EPHB1: variants seen among roughly 807,000 people sequenced by gnomAD.
EPHB1 encodes the protein ephrin type-B receptor 1.
Under a neutral mutation model 94.4 loss-of-function variants are expected in EPHB1, and 30 were observed. That is an observed-to-expected ratio of 0.32 (90% CI 0.24 to 0.43). EPHB1 has a LOEUF of 0.43. EPHB1 is among the 20% of genes least tolerant of loss of function. EPHB1 has a pLI of 1.00. For synonymous variants in EPHB1, 522 were observed against 489.1 expected (o/e 1.07, Z -0.89); for missense variants, 1,055 against 1,308.3 (o/e 0.81, Z 2.99).
chr3:134,945,060 T>A (rs2039190839), intron 2 of EPHB1, among the ~76,000 whole-genome samples: 2 of 152,250 alleles, frequency 1.3e-5, no homozygotes, highest in South Asian at 4.1e-4. Flanking sequence ...ATGTCTTTTT[T>A]AGTGAACAGT....
intron 3 of EPHB1, among the ~76,000 whole-genome samples, chr3:135,004,102 GT>G (rs1307806035): frequency 6.6e-6 from 1 of 151,988 alleles, no homozygotes; most frequent in Non-Finnish European, 1.5e-5. Context: ...GGTACTGGTT[GT>G]TCCTTTCCAT....
At chr3:134,801,604 CAG>C (rs2035936629) in intron 1 of EPHB1, among the ~76,000 whole-genome samples, 3 of 152,330 alleles carry the variant, frequency 2.0e-5, no homozygotes, top group African/African-American at 7.2e-5. Context: ...GGTGGAGAAA[CAG>C]AGCATTCGAT....
intron 12 of EPHB1, among the ~76,000 whole-genome samples, chr3:135,219,664 G>C (rs965244857): frequency 6.6e-6 from 1 of 152,176 alleles, no homozygotes; most frequent in Non-Finnish European, 1.5e-5. Context: ...CACTGAGTTG[G>C]CAATGTAATT....
intron 1 of EPHB1, among the ~76,000 whole-genome samples, chr3:134,807,901 G>A (rs902396701): frequency 6.6e-6 from 1 of 152,158 alleles, no homozygotes; most frequent in African/African-American, 2.4e-5. Context: ...AAATGCAGCT[G>A]CTGCCCAGAT....
At chr3:135,129,086 A>G (rs1940318618) in intron 4 of EPHB1, among the ~76,000 whole-genome samples, 1 of 152,002 alleles carries the variant, frequency 6.6e-6, no homozygotes, top group South Asian at 2.1e-4. Context: ...GCCCCTGTTC[A>G]TGCGCCACAG....
chr3:135,219,047 G>C (rs557723625), intron 12 of EPHB1, among the ~76,000 whole-genome samples: 2 of 152,046 alleles, frequency 1.3e-5, no homozygotes, highest in Non-Finnish European at 2.9e-5. Context: ...AAGCACAGGT[G>C]GGGGAAGAGT....
At chr3:135,233,840 G>C (rs1258668117) in intron 12 of EPHB1, among the ~76,000 whole-genome samples, 2 of 152,196 alleles carry the variant, frequency 1.3e-5, no homozygotes, top group Non-Finnish European at 2.9e-5. Context: ...CAAGGCTTGG[G>C]ACTTGCACCC....
At position 134,882,761 on chromosome 3, in the gene EPHB1, C is replaced by CTTTCTTTTTT. The variant is rs59448814; in HGVS notation, c.59-43055_59-43054insTTTCTTTTTT. On this transcript the variant is annotated intron_variant, in intron 1 of 15. Coordinates refer to ENST00000398015, the MANE Select transcript of EPHB1 (RefSeq NM_004441.5). ...TTCCTTCTTTCTTCCTTTCTTCCTT[C>CTTTCTTTTTT]CTTCCTTTCTTTCTTTCTTTCTTTC... Among the ~76,000 whole-genome samples, 7 of 31,292 alleles carry CTTTCTTTTTT rather than the reference C, an allele frequency of 2.2e-4. No individual in the cohort carries two copies. The East Asian group carries it at 6.4e-3, about 29-fold the overall frequency. 20.5% of individuals were successfully genotyped at this position (31,292 alleles called of 152,430 possible). A position where few individuals can be genotyped will look rare whatever the true frequency, so the allele number is the denominator to read the frequency against.
chr3:135,146,194 G>A (rs1482186820), intron 5 of EPHB1, among the ~76,000 whole-genome samples: 1 of 152,168 alleles, frequency 6.6e-6, no homozygotes, highest in Non-Finnish European at 1.5e-5. Context: ...GCAGTGTGAG[G>A]CTCCCCCTGT....
Position 135,127,898 on chromosome 3 carries a change from G to A in EPHB1, c.962-4816G>A, listed in dbSNP as rs903723944. Reference sequence around the variant, plus strand: ...TCTCAGGCACATCCTGGAGGACATCGGAGACCCATCTTCAAAACTCATGAC... The same window carrying A: ...TCTCAGGCACATCCTGGAGGACATCAGAGACCCATCTTCAAAACTCATGAC... On this transcript the variant is annotated intron_variant, in intron 4 of 15. Coordinates refer to ENST00000398015, the MANE Select transcript of EPHB1 (RefSeq NM_004441.5). Among the ~76,000 whole-genome samples, 10 of 152,064 alleles carry A rather than the reference G, an allele frequency of 6.6e-5. No individual in the cohort carries two copies. In the South Asian group the frequency reaches 1.0e-3, roughly 16 times the overall value.
At chr3:135,235,844 T>C (rs969493948) in intron 12 of EPHB1, among the ~76,000 whole-genome samples, 8 of 152,134 alleles carry the variant, frequency 5.3e-5, no homozygotes, top group African/African-American at 1.9e-4. Flanking sequence ...GTATGAACTG[T>C]GGCCGAGGTC....
chr3:134,814,056 G>A (rs1039901290), intron 1 of EPHB1, among the ~76,000 whole-genome samples: 2 of 152,162 alleles, frequency 1.3e-5, no homozygotes, highest in African/African-American at 2.4e-5. Flanking sequence ...AGTAAATGAT[G>A]GATGGATGGA....
intron 1 of EPHB1, among the ~76,000 whole-genome samples, chr3:134,825,419 T>A (rs994827937): frequency 2.6e-5 from 4 of 152,230 alleles, no homozygotes; most frequent in Admixed American, 6.5e-5. Flanking sequence ...GCAATTGAGA[T>A]TGAATGAGTG....
chr3:135,100,200 C>A (rs1172719901), intron 3 of EPHB1, among the ~76,000 whole-genome samples: 1 of 152,054 alleles, frequency 6.6e-6, no homozygotes, highest in Non-Finnish European at 1.5e-5. Flanking sequence ...TAGCTCTGAC[C>A]CCCTAGACCA....
At chr3:135,005,813 C>T (rs1014684870) in intron 3 of EPHB1, among the ~76,000 whole-genome samples, 10 of 152,374 alleles carry the variant, frequency 6.6e-5, no homozygotes, top group South Asian at 2.1e-4. Flanking sequence ...TGCCCTGCTT[C>T]GGCTCGCGCA....
At chr3:134,856,862 C>T (rs1488914280) in intron 1 of EPHB1, among the ~76,000 whole-genome samples, 2 of 152,084 alleles carry the variant, frequency 1.3e-5, no homozygotes, top group African/African-American at 4.8e-5. Flanking sequence ...ATGTGATTTG[C>T]ATTATGTTTC....
intron 15 of EPHB1, among the ~76,000 whole-genome samples, chr3:135,251,105 T>C (rs1243972731): frequency 6.6e-6 from 1 of 152,162 alleles, no homozygotes; most frequent in Non-Finnish European, 1.5e-5. Context: ...GGAGATGGTT[T>C]GAATGTGTGT....
intron 15 of EPHB1, among the ~76,000 whole-genome samples, chr3:135,252,486 A>G (rs1320687579): frequency 6.7e-6 from 1 of 148,652 alleles, no homozygotes; most frequent in African/African-American, 2.5e-5. Context: ...TGTTCTCCCG[A>G]TAGTTTACTG....
intron 9 of EPHB1, among the ~76,000 whole-genome samples, chr3:135,177,023 A>G (rs1426049364): frequency 6.6e-6 from 1 of 152,106 alleles, no homozygotes; most frequent in Non-Finnish European, 1.5e-5. Context: ...AGAACAATTT[A>G]CTGATGATAT....
Sources: allele counts gnomAD v4.1 joint callset (sites outside exome capture counted in the v4.1 genomes callset), GRCh38; gene constraint gnomAD v4.1.1; transcripts MANE v1.5; gene names NCBI Gene and HGNC (gene_info 2026-07-23, HGNC 2026-07-21).